ARID5B: variants seen among roughly 807,000 people sequenced by gnomAD.
ARID5B encodes the protein AT-rich interaction domain 5B, also known as AT-rich interactive domain-containing protein 5B.
ARID5B carries 13 observed loss-of-function variants against 97.2 expected under a neutral mutation model. The ratio of observed to expected loss-of-function variants is 0.13; its 90% CI spans 0.09 to 0.21. The LOEUF (loss-of-function observed/expected upper bound fraction) is 0.21. Ranked by LOEUF, ARID5B falls within the 10% of genes least tolerant of loss-of-function variation. ARID5B has a pLI of 1.00. For synonymous variants in ARID5B, 556 were observed against 570.3 expected (o/e 0.97, Z 0.36); for missense variants, 1,210 against 1,465.3 (o/e 0.83, Z 2.84).
Position 62,093,155 on chromosome 10 carries a change from C to A in ARID5B, c.*125C>A. ...AATCTGAGGCTATGATCAGTCCCAGCTGTAGGGGCCCAGAGGGGAGGTGAA... is the reference window on the plus strand; with the variant it reads ...AATCTGAGGCTATGATCAGTCCCAGATGTAGGGGCCCAGAGGGGAGGTGAA... On this transcript the variant is annotated 3_prime_UTR_variant, in exon 10 of 10. Coordinates refer to ENST00000279873, the MANE Select transcript of ARID5B (RefSeq NM_032199.3). 7.1e-7 allele frequency: 1 copy of A among 1,400,176 alleles called. No homozygotes were observed. Among genetic ancestry groups the A allele is most frequent in the Non-Finnish European group, 9.5e-7 (1 of 1,050,436 alleles). The allele number at this position is 1,400,176 out of a possible 1,614,324, so 86.7% of individuals were successfully genotyped here. A position where few individuals can be genotyped will look rare whatever the true frequency, so the allele number is the denominator to read the frequency against.
At chr10:61,927,557 A>C (rs941200303) in intron 2 of ARID5B, among the ~76,000 whole-genome samples, 2 of 152,168 alleles carry the variant, frequency 1.3e-5, no homozygotes, top group African/African-American at 4.8e-5. Flanking sequence ...AGTACAAGAG[A>C]AGTGGAAGTT....
At chr10:61,903,072 C>T (rs949129693) in intron 2 of ARID5B, among the ~76,000 whole-genome samples, 5 of 152,168 alleles carry the variant, frequency 3.3e-5, no homozygotes, top group African/African-American at 1.2e-4. Flanking sequence ...CTATCTCTCG[C>T]CCACTCCCCC....
At chr10:62,057,373 T>A in intron 6 of ARID5B, 55 bp downstream of exon 6, 1 of 1,520,802 alleles carries the variant, frequency 6.6e-7, no homozygotes, top group Non-Finnish European at 9.0e-7. Context: ...ATTCTTTGAA[T>A]TGGAAAAAAT....
At chr10:62,057,085 T>C (rs1839865832) in intron 5 of ARID5B, 32 bp from the exon 6 acceptor site, 4 of 1,608,006 alleles carry the variant, frequency 2.5e-6, no homozygotes, top group Admixed American at 1.7e-5. Flanking sequence ...GGGCTGTGCC[T>C]CGTCTGATGT....
intron 5 of ARID5B, among the ~76,000 whole-genome samples, chr10:62,055,987 T>C (rs1447450837): frequency 6.6e-6 from 1 of 152,200 alleles, no homozygotes; most frequent in Admixed American, 6.5e-5. Flanking sequence ...TCTCTCCCGA[T>C]GTCAGTTACG....
chr10:62,025,030 A>G, intron 4 of ARID5B: 2 of 179,096 alleles, frequency 1.1e-5, no homozygotes, highest in Non-Finnish European at 1.2e-5. Context: ...ATGTTTTAAA[A>G]GGTGGGGAGG....
chr10:61,979,455 G>C (rs1446392388), intron 3 of ARID5B, among the ~76,000 whole-genome samples: 1 of 152,102 alleles, frequency 6.6e-6, no homozygotes, highest in Admixed American at 6.5e-5. Context: ...AGGAGGGCTT[G>C]GTTTACATCC....
rs768696174 is a variant in ARID5B at position 62,092,601 on chromosome 10, C to G, written c.3138C>G (p.Ala1046=). 3 of 1,614,196 alleles carry G rather than the reference C, an allele frequency of 1.9e-6. No homozygotes were observed. The South Asian group carries it at 3.3e-5, about 18-fold the overall frequency. ...PSKEVSGKEK[A]SEQESEGSKA... is the part of the protein sequence containing the mutation. ...AGGAGGTCTCTGGGAAGGAGAAGGCCTCTGAGCAGGAGAGTGAAGGCAGCA... is the reference window on the plus strand; with the variant it reads ...AGGAGGTCTCTGGGAAGGAGAAGGCGTCTGAGCAGGAGAGTGAAGGCAGCA... The change falls in exon 10 of 10, where the codon GCC becomes GCG. Residue 1046 remains alanine (A), a synonymous_variant. Transcript: ENST00000279873.
chr10:62,053,900 C>T (rs970313518), intron 5 of ARID5B, among the ~76,000 whole-genome samples: 1 of 152,118 alleles, frequency 6.6e-6, no homozygotes, highest in Non-Finnish European at 1.5e-5. Flanking sequence ...TTTTGCTTTA[C>T]TAAGGTAGAA....
chr10:62,089,192 G>A (rs1840333108), intron 9 of ARID5B, among the ~76,000 whole-genome samples: 1 of 152,128 alleles, frequency 6.6e-6, no homozygotes, highest in Non-Finnish European at 1.5e-5. Flanking sequence ...AGAGACCAAT[G>A]TGATGATTAT....
intron 7 of ARID5B, among the ~76,000 whole-genome samples, chr10:62,060,619 T>C (rs190031500): frequency 5.6e-4 from 86 of 152,314 alleles, no homozygotes; most frequent in African/African-American, 1.9e-3. Context: ...TGGCAAAATC[T>C]TGAGCTAATT....
rs368979943 is a variant in ARID5B at position 61,942,467 on chromosome 10, A to T, written c.502+2059A>T. Among the ~76,000 whole-genome samples, 119 of 152,336 alleles carry T rather than the reference A, an allele frequency of 7.8e-4. 2 individuals are homozygous for T. The South Asian group carries it at 0.024, about 30-fold the overall frequency. On this transcript the variant is annotated intron_variant, in intron 3 of 9. Coordinates refer to ENST00000279873, the MANE Select transcript of ARID5B (RefSeq NM_032199.3). ...TTTTCTAGATTCTTCATTCAGTAGG[A>T]GTAAGGAAAGGCCAATGAATGTGTA...
intron 8 of ARID5B, among the ~76,000 whole-genome samples, chr10:62,075,256 C>A (rs9633557): frequency 0.33 from 50,144 of 152,126 alleles, 9,028 homozygotes; most frequent in Non-Finnish European, 0.41. Context: ...TCTATGTTTT[C>A]AAGATATTTT....
intron 3 of ARID5B, among the ~76,000 whole-genome samples, chr10:61,956,802 C>T (rs1185274844): frequency 6.6e-6 from 1 of 152,202 alleles, no homozygotes; most frequent in Non-Finnish European, 1.5e-5. Flanking sequence ...ATATAACACA[C>T]ATAAAAATGT....
chr10:62,050,457 A>C (rs1839771749), intron 4 of ARID5B, among the ~76,000 whole-genome samples: 1 of 152,202 alleles, frequency 6.6e-6, no homozygotes, highest in Non-Finnish European at 1.5e-5. Context: ...ATGTTTTCAA[A>C]CATTTCATTA....
intron 4 of ARID5B, among the ~76,000 whole-genome samples, chr10:62,023,713 A>G (rs1333305307): frequency 1.3e-5 from 2 of 152,240 alleles, no homozygotes; most frequent in Admixed American, 6.5e-5. Flanking sequence ...ATCAAGCAAA[A>G]GGAAGCCTTA....
At chr10:62,066,969 A>G (rs1381777045) in intron 7 of ARID5B, among the ~76,000 whole-genome samples, 1 of 152,118 alleles carries the variant, frequency 6.6e-6, no homozygotes, top group African/African-American at 2.4e-5. Flanking sequence ...TTGTTAGCAC[A>G]GTGCCTAATA....
In ARID5B at chr10:62,069,803, A is replaced by G. The variant is rs771337616; in HGVS notation, c.1199+6A>G. 15 of 1,612,818 alleles carry G rather than the reference A, an allele frequency of 9.3e-6. No homozygotes were observed. The South Asian group carries it at 1.2e-4, about 13-fold the overall frequency. On this transcript the variant is annotated splice_donor_region_variant and intron_variant, in intron 8 of 9. Transcript: ENST00000279873. ...ACCCGCAGACATTATGAAAGGTAAG[A>G]AACCATTTCATGGAATTGCTTAGTT... is the stretch of plus-strand genomic sequence containing the variant.
intron 4 of ARID5B, among the ~76,000 whole-genome samples, chr10:62,047,220 G>T (rs1839721772): frequency 6.6e-6 from 1 of 152,090 alleles, no homozygotes. Context: ...CTTGCTGTGA[G>T]TTTTAGTGGA....
Sources: allele counts gnomAD v4.1 joint callset (sites outside exome capture counted in the v4.1 genomes callset), GRCh38; gene constraint gnomAD v4.1.1; transcripts MANE v1.5; gene names NCBI Gene and HGNC (gene_info 2026-07-23, HGNC 2026-07-21).